The following RBFOX1 variants were observed in gnomAD, a reference collection of about 807,000 sequenced individuals.
RBFOX1 encodes the protein RNA binding fox-1 homolog 1.
A neutral mutation model predicts 57.7 loss-of-function variants in RBFOX1; 8 were observed. The observed-to-expected ratio is 0.14, with a 90% CI of 0.08 to 0.25. The LOEUF (loss-of-function observed/expected upper bound fraction) is 0.25. RBFOX1 is among the 10% of genes least tolerant of loss of function. The pLI, the probability that RBFOX1 is intolerant of heterozygous loss-of-function variation, is 1.00. For synonymous variants in RBFOX1, 326 were observed against 222.4 expected, an observed-to-expected ratio of 1.47 and a Z score of -4.15; for missense variants, 611 against 548.5, an observed-to-expected ratio of 1.11 and a Z score of -1.14.
intron 1 of RBFOX1, among the ~76,000 whole-genome samples, chr16:5,312,706 C>T (rs2064125218): frequency 1.3e-5 from 2 of 152,208 alleles, no homozygotes; most frequent in Admixed American, 1.3e-4. Context: ...CAAAAGAAGA[C>T]ATACAAATGA....
At chr16:7,461,645 C>G (rs914957510) in intron 4 of RBFOX1, among the ~76,000 whole-genome samples, 6 of 152,118 alleles carry the variant, frequency 3.9e-5, no homozygotes, top group African/African-American at 1.4e-4. Context: ...CGTACGTTTT[C>G]TTGGAATTCA....
intron 1 of RBFOX1, among the ~76,000 whole-genome samples, chr16:6,075,646 T>C (rs2095888203): frequency 6.6e-6 from 1 of 152,218 alleles, no homozygotes; most frequent in African/African-American, 2.4e-5. Context: ...ATCAAGATTT[T>C]TGTGATATTA....
intron 7 of RBFOX1, among the ~76,000 whole-genome samples, chr16:7,594,331 C>T (rs1043943473): frequency 3.3e-5 from 5 of 152,098 alleles, no homozygotes; most frequent in African/African-American, 1.2e-4. Context: ...CAACTTGGAG[C>T]CAACAAGGAT....
intron 4 of RBFOX1, among the ~76,000 whole-genome samples, chr16:7,133,238 A>G (rs542278921): frequency 1.3e-5 from 2 of 152,322 alleles, no homozygotes; most frequent in South Asian, 4.1e-4. Context: ...TTTTCAATAT[A>G]TGACAGAATT....
chr16:5,406,028 T>A (rs1336539343), intron 1 of RBFOX1, among the ~76,000 whole-genome samples: 1 of 152,198 alleles, frequency 6.6e-6, no homozygotes, highest in Non-Finnish European at 1.5e-5. Flanking sequence ...CACTGTTAGT[T>A]GAAGCCACTT....
intron 4 of RBFOX1, among the ~76,000 whole-genome samples, chr16:7,196,889 A>G (rs1163185456): frequency 2.6e-5 from 4 of 152,214 alleles, no homozygotes; most frequent in African/African-American, 7.2e-5. Flanking sequence ...AAAGGTAAAT[A>G]TGCACAGCTA....
intron 1 of RBFOX1, among the ~76,000 whole-genome samples, chr16:5,314,632 C>T (rs1362846104): frequency 6.6e-6 from 1 of 152,146 alleles, no homozygotes; most frequent in Admixed American, 6.5e-5. Context: ...TCCCTAGTAG[C>T]TGGGACTACA....
At chr16:6,397,835 A>C (rs1165755578) in intron 2 of RBFOX1, among the ~76,000 whole-genome samples, 1 of 152,228 alleles carries the variant, frequency 6.6e-6, no homozygotes. Context: ...AAGATTACAT[A>C]GTTAATTCTG....
intron 1 of RBFOX1, among the ~76,000 whole-genome samples, chr16:6,052,911 G>A (rs7193302): frequency 0.06 from 9,086 of 151,554 alleles, 447 homozygotes; most frequent in African/African-American, 0.13. Flanking sequence ...AGTAGGGTTG[G>A]GCTCCTTTGT....
At chr16:7,374,379 C>T (rs1260686169) in intron 4 of RBFOX1, among the ~76,000 whole-genome samples, 1 of 152,150 alleles carries the variant, frequency 6.6e-6, no homozygotes, top group Non-Finnish European at 1.5e-5. Flanking sequence ...ACAGCATTCC[C>T]CTCAAATGAA....
At chr16:6,876,737 C>G (rs2061922280) in intron 3 of RBFOX1, among the ~76,000 whole-genome samples, 1 of 152,080 alleles carries the variant, frequency 6.6e-6, no homozygotes, top group Admixed American at 6.5e-5. Context: ...CCCATAGTCC[C>G]TGCATTGTAA....
intron 4 of RBFOX1, among the ~76,000 whole-genome samples, chr16:7,185,159 C>T (rs2083466960): frequency 6.6e-6 from 1 of 151,972 alleles, no homozygotes; most frequent in South Asian, 2.1e-4. Flanking sequence ...AAAGTGTCAA[C>T]CGCAGAATAA....
At chr16:7,047,203 C>T (rs573768379) in intron 3 of RBFOX1, among the ~76,000 whole-genome samples, 60 of 152,198 alleles carry the variant, frequency 3.9e-4, no homozygotes, top group Non-Finnish European at 4.6e-4. Flanking sequence ...TTTCCTTTAT[C>T]TGGAAAACTT....
chr16:7,469,407 G>A (rs1039379305), intron 4 of RBFOX1, among the ~76,000 whole-genome samples: 2 of 152,090 alleles, frequency 1.3e-5, no homozygotes, highest in African/African-American at 2.4e-5. Context: ...GGCTATGTTT[G>A]TCTCATCTTC....
intron 3 of RBFOX1, among the ~76,000 whole-genome samples, chr16:5,747,420 CCT>C (rs893920926): frequency 1.3e-5 from 2 of 152,070 alleles, no homozygotes; most frequent in African/African-American, 4.8e-5. Flanking sequence ...GGGAGGATTC[CCT>C]CTTTTTCTGT....
rs60308240 is a variant in RBFOX1 at position 7,047,724 on chromosome 16, T to C, written c.-15-4333T>C. Among the ~76,000 whole-genome samples, 161 of 107,860 alleles carry C rather than the reference T, an allele frequency of 1.5e-3. No homozygotes were observed. The East Asian group carries it at 0.016, about 11-fold the overall frequency. 70.8% of individuals were successfully genotyped at this position (107,860 alleles called of 152,430 possible). A position where few individuals can be genotyped will look rare whatever the true frequency, so the allele number is the denominator to read the frequency against. On this transcript the variant is annotated intron_variant, in intron 3 of 15. Coordinates refer to ENST00000550418, the MANE Select transcript of RBFOX1 (RefSeq NM_018723.4). ...CCACAGGTCCTGCATTTCTTTTTTT[T>C]TTTTTTTTTTTTTTTTTTTTTGTCT...
chr16:7,589,416 T>A (rs1371261314), intron 7 of RBFOX1, among the ~76,000 whole-genome samples: 2 of 152,208 alleles, frequency 1.3e-5, no homozygotes, highest in Non-Finnish European at 2.9e-5. Flanking sequence ...GTCATTCCCA[T>A]GATTAGCCTG....
chr16:5,548,168 A>T (rs1412677130), intron 2 of RBFOX1, among the ~76,000 whole-genome samples: 71 of 57,084 alleles, frequency 1.2e-3, no homozygotes, highest in Non-Finnish European at 2.4e-3. Context: ...TAAAAAAAAA[A>T]AAAAAAATAT....
intron 3 of RBFOX1, among the ~76,000 whole-genome samples, chr16:5,684,674 G>A (rs1433249198): frequency 6.6e-6 from 1 of 152,132 alleles, no homozygotes; most frequent in Admixed American, 6.6e-5. Context: ...CTTTTCATCA[G>A]CTTCTCCCTC....
Sources: gnomAD v4.1 joint callset for allele counts (sites outside exome capture counted in the v4.1 genomes callset) on GRCh38, gnomAD v4.1.1 for gene constraint, MANE v1.5 for transcripts, NCBI Gene and HGNC (gene_info 2026-07-23, HGNC 2026-07-21) for gene names.